NBEA: variants seen among roughly 807,000 people sequenced by gnomAD.
NBEA encodes lysosomal-trafficking regulator 2.
Under a neutral mutation model 343.4 loss-of-function variants are expected in NBEA, and 44 were observed. The observed-to-expected ratio is 0.13, with a 90% CI of 0.10 to 0.16. NBEA has a LOEUF of 0.16. Ranked by LOEUF, NBEA falls within the 10% of genes least tolerant of loss-of-function variation. The pLI, the probability that NBEA is intolerant of heterozygous loss-of-function variation, is 1.00. For synonymous variants in NBEA, 1,175 were observed against 1,238.7 expected (o/e 0.95, Z 1.08); for missense variants, 2,555 against 3,631.3 (o/e 0.70, Z 7.62).
chr13:35,219,874 T>G (rs2074267585), intron 33 of NBEA, among the ~76,000 whole-genome samples: 1 of 152,172 alleles, frequency 6.6e-6, no homozygotes, highest in Non-Finnish European at 1.5e-5. Context: ...AGATGAAGCC[T>G]TCTTCCATGA....
chr13:35,109,730 GAA>G (rs1352663296), intron 12 of NBEA, among the ~76,000 whole-genome samples: 1 of 151,994 alleles, frequency 6.6e-6, no homozygotes, highest in African/African-American at 2.4e-5. Flanking sequence ...GAAAGACTAG[GAA>G]AGAGAACAGA....
chr13:35,353,162 G>A (rs752563135), intron 38 of NBEA, among the ~76,000 whole-genome samples: 3 of 152,144 alleles, frequency 2.0e-5, no homozygotes, highest in Non-Finnish European at 4.4e-5. Context: ...TTGACCTGGT[G>A]CGATGGCTCA....
intron 16 of NBEA, among the ~76,000 whole-genome samples, chr13:35,118,952 A>G (rs1451329032): frequency 2.0e-5 from 3 of 152,090 alleles, no homozygotes; most frequent in Non-Finnish European, 2.9e-5. Context: ...TAGATTTACA[A>G]TCACCAGTGT....
intron 43 of NBEA, among the ~76,000 whole-genome samples, chr13:35,552,384 T>C (rs2079370176): frequency 6.6e-6 from 1 of 152,000 alleles, no homozygotes; most frequent in Non-Finnish European, 1.5e-5. Context: ...CGTATACACA[T>C]GCTCAAGATA....
At chr13:35,060,132 T>C (rs1246597988) in intron 8 of NBEA, among the ~76,000 whole-genome samples, 3 of 151,950 alleles carry the variant, frequency 2.0e-5, no homozygotes, top group Non-Finnish European at 4.4e-5. Context: ...GCAGTGTCTT[T>C]TTAAGCTCTA....
chr13:35,558,046 G>A (rs9544633), intron 44 of NBEA, among the ~76,000 whole-genome samples: 135,168 of 152,102 alleles, frequency 0.89, 60,992 homozygotes, highest in East Asian at 1. Flanking sequence ...AAATTAAACT[G>A]ATAATTATGT....
chr13:35,034,337 CCTTG>C (rs1419343045), intron 1 of NBEA, among the ~76,000 whole-genome samples: 1 of 151,880 alleles, frequency 6.6e-6, no homozygotes. Context: ...GTTGAACCGT[CCTTG>C]TATCCCAGGG....
intron 8 of NBEA, among the ~76,000 whole-genome samples, chr13:35,064,335 G>A (rs1162185508): frequency 6.6e-6 from 1 of 151,940 alleles, no homozygotes; most frequent in Non-Finnish European, 1.5e-5. Flanking sequence ...AAAAGCAGGA[G>A]AGTGTGGTGT....
intron 27 of NBEA, among the ~76,000 whole-genome samples, chr13:35,175,693 A>G (rs369198817): frequency 1.3e-5 from 2 of 152,196 alleles, no homozygotes; most frequent in African/African-American, 4.8e-5. Flanking sequence ...TTGACATTTC[A>G]CAACAATGAA....
Position 35,593,438 on chromosome 13 carries a change from T to C in NBEA, c.7287T>C (p.Ser2429=). 6.2e-7 allele frequency: 1 copy of C among 1,608,072 alleles called. No homozygotes were observed. The highest frequency in any genetic ancestry group is 8.5e-7 in the Non-Finnish European group (1 of 1,177,412). The change falls in exon 47 of 59, where the codon TCT becomes TCC. Residue 2429 remains serine, a synonymous_variant. Coordinates refer to ENST00000379939, the MANE Select transcript of NBEA (RefSeq NM_001385012.1). ...RSWRTSQRDT[S]DVKELIPEFY... ...GGAGAACTAGTCAGAGAGATACTTCTGATGTAAAGGTAGGCTCTTTTATTT... is the reference window on the plus strand; with the variant it reads ...GGAGAACTAGTCAGAGAGATACTTCCGATGTAAAGGTAGGCTCTTTTATTT...
chr13:35,383,928 G>C (rs2042120526), intron 38 of NBEA, among the ~76,000 whole-genome samples: 1 of 151,896 alleles, frequency 6.6e-6, no homozygotes, highest in Non-Finnish European at 1.5e-5. Flanking sequence ...TTCTATGTTT[G>C]GCATAGTGAT....
At chr13:35,265,434 T>A (rs572127296) in intron 34 of NBEA, among the ~76,000 whole-genome samples, 2 of 151,860 alleles carry the variant, frequency 1.3e-5, no homozygotes, top group South Asian at 4.1e-4. Flanking sequence ...TAAAAAAAAT[T>A]TGAGGCATCA....
intron 38 of NBEA, among the ~76,000 whole-genome samples, chr13:35,363,010 C>G (rs2040899603): frequency 6.6e-6 from 1 of 151,902 alleles, no homozygotes; most frequent in African/African-American, 2.4e-5. Flanking sequence ...TATTCACTTT[C>G]ACTTCCTGGT....
Position 35,017,316 on chromosome 13 carries a change from C to T in NBEA, c.295-23617C>T, listed in dbSNP as rs183268113. 2.6e-3 allele frequency among the ~76,000 whole-genome samples: 402 copies of T among 152,152 alleles called. 2 individuals carry two copies. Among genetic ancestry groups the T allele is most frequent in the Middle Eastern group, 0.014 (4 of 294 alleles). On this transcript the variant is annotated intron_variant, in intron 1 of 58. Transcript: ENST00000379939. ...ATGCATAAACCTATGTTTTCATTTC[C>T]GTTGGGTACTGAGAGTGCTGAGACC...
At chr13:34,987,172 A>T (rs1183572914) in intron 1 of NBEA, among the ~76,000 whole-genome samples, 1 of 149,554 alleles carries the variant, frequency 6.7e-6, no homozygotes, top group Non-Finnish European at 1.5e-5. Context: ...TGTTTAGTGG[A>T]GCTCTTGTAA....
At chr13:35,421,725 G>GT (rs1202864875) in intron 38 of NBEA, among the ~76,000 whole-genome samples, 4 of 152,014 alleles carry the variant, frequency 2.6e-5, no homozygotes, top group Non-Finnish European at 5.9e-5. Context: ...TAAATATTCT[G>GT]TTTTTTACTT....
intron 34 of NBEA, among the ~76,000 whole-genome samples, chr13:35,271,229 G>A (rs943441086): frequency 2.0e-5 from 3 of 152,194 alleles, no homozygotes; most frequent in East Asian, 1.9e-4. Flanking sequence ...TAAAGTGGAC[G>A]TCCAGCGAAT....
At chr13:35,346,291 C>T (rs2039870330) in intron 36 of NBEA, among the ~76,000 whole-genome samples, 1 of 152,094 alleles carries the variant, frequency 6.6e-6, no homozygotes, top group African/African-American at 2.4e-5. Context: ...TTCTTCCTGG[C>T]TTTCTTCAGC....
chr13:35,455,170 A>G (rs1343689074), intron 40 of NBEA, among the ~76,000 whole-genome samples: 1 of 152,044 alleles, frequency 6.6e-6, no homozygotes, highest in Non-Finnish European at 1.5e-5. Flanking sequence ...GTAAACCTAA[A>G]CCTGCTGATT....
Sources: allele counts gnomAD v4.1 joint callset (sites outside exome capture counted in the v4.1 genomes callset), GRCh38; gene constraint gnomAD v4.1.1; transcripts MANE v1.5; gene names NCBI Gene and HGNC (gene_info 2026-07-23, HGNC 2026-07-21).